ANK2: variants seen among roughly 807,000 people sequenced by gnomAD.
ANK2 encodes ankyrin 2, also known as ankyrin-2.
ANK2 carries 83 observed loss-of-function variants against 360.5 expected under a neutral mutation model. That is an observed-to-expected ratio of 0.23 (90% confidence interval 0.19 to 0.28). The LOEUF is 0.28. ANK2 is among the 10% of genes least tolerant of loss of function. The pLI, the probability that ANK2 is intolerant of heterozygous loss-of-function variation, is 1.00. For synonymous variants in ANK2, 1,740 were observed against 1,759.5 expected (o/e 0.99, Z 0.28); for missense variants, 4,201 against 4,795.7 (o/e 0.88, Z 3.66).
Position 113,381,474 on chromosome 4 carries a change from C to T in ANK2, c.*3C>T, listed in dbSNP as rs200250942. 1.2e-6 allele frequency: 2 copies of T among 1,614,106 alleles called. No individual in the cohort carries two copies. Among genetic ancestry groups the T allele is most frequent in the Non-Finnish European group, 8.5e-7 (1 of 1,180,012 alleles). ...TTCTCCAGGACAACAATGAGTAAAG[C>T]CATCACACAGAAGAGGGCTGTGGTG... On this transcript the variant is annotated 3_prime_UTR_variant, in exon 46 of 46. Transcript: ENST00000357077.
At chr4:113,297,351 GTT>G (rs539194752) in intron 22 of ANK2, among the ~76,000 whole-genome samples, 3 of 152,072 alleles carry the variant, frequency 2.0e-5, no homozygotes, top group Non-Finnish European at 2.9e-5. Flanking sequence ...CTTTTGACAT[GTT>G]TTTTCAACCT....
chr4:113,352,967 C>T (rs1051360197), intron 37 of ANK2, 78 bp from the exon 38 acceptor site: 101 of 1,518,070 alleles, frequency 6.7e-5, no homozygotes, highest in Non-Finnish European at 8.9e-5. Context: ...GACGCTGTGT[C>T]GTTTCAGTCC....
intron 2 of ANK2, among the ~76,000 whole-genome samples, chr4:112,996,843 T>G (rs1015374023): frequency 2.0e-5 from 3 of 152,122 alleles, no homozygotes; most frequent in African/African-American, 7.2e-5. Flanking sequence ...TATTTTTTAT[T>G]CATTATTTCT....
rs912410228 is a variant in ANK2, at chr4:112,877,374, A to G, written c.-39-27081A>G. Among the ~76,000 whole-genome samples the G allele has an allele frequency of 2.6e-5, 4 of 152,176 alleles. No individual in the cohort carries two copies. In the South Asian group the frequency reaches 8.3e-4, roughly 32 times the overall value. ...CTCATGCTCTCTCTCTTTTTGAGATAGCATCTTACCTGTCATCCAGCCTAG... is the reference window on the plus strand; with the variant it reads ...CTCATGCTCTCTCTCTTTTTGAGATGGCATCTTACCTGTCATCCAGCCTAG... On this transcript the variant is annotated intron_variant, in intron 1 of 30. Coordinates refer to the ANK2 transcript ENST00000503271.
intron 22 of ANK2, among the ~76,000 whole-genome samples, chr4:113,299,929 A>G (rs1008064586): frequency 2.0e-5 from 3 of 152,130 alleles, no homozygotes; most frequent in African/African-American, 7.2e-5. Flanking sequence ...TAATTGGTCT[A>G]TGATGGGACC....
chr4:113,259,450 AT>A (rs2051359780), intron 13 of ANK2, among the ~76,000 whole-genome samples: 1 of 151,982 alleles, frequency 6.6e-6, no homozygotes, highest in African/African-American at 2.4e-5. Flanking sequence ...TCTCTCTCAT[AT>A]TTCTTTTTTT....
intron 2 of ANK2, among the ~76,000 whole-genome samples, chr4:112,974,672 C>T (rs2040727078): frequency 6.6e-6 from 1 of 152,158 alleles, no homozygotes; most frequent in Non-Finnish European, 1.5e-5. Context: ...AGGAAAATTT[C>T]ATTATTTCAC....
intron 2 of ANK2, among the ~76,000 whole-genome samples, chr4:113,193,278 G>C (rs182099858): frequency 6.6e-6 from 1 of 152,316 alleles, no homozygotes; most frequent in East Asian, 1.9e-4. Context: ...CCTATAGTTT[G>C]ATTTACTTTG....
intron 1 of ANK2, among the ~76,000 whole-genome samples, chr4:112,841,605 T>C (rs2062098140): frequency 6.6e-6 from 1 of 152,208 alleles, no homozygotes; most frequent in Non-Finnish European, 1.5e-5. Flanking sequence ...AGGCTGCCAT[T>C]TCTTGGAAAT....
chr4:113,086,594 G>A (rs755182577), intron 1 of ANK2, among the ~76,000 whole-genome samples: 24 of 152,104 alleles, frequency 1.6e-4, no homozygotes, highest in African/African-American at 3.1e-4. Flanking sequence ...TAACACATAA[G>A]CCAACAGGTA....
chr4:113,287,977 G>T (rs29360), intron 19 of ANK2, among the ~76,000 whole-genome samples: 1 of 152,168 alleles, frequency 6.6e-6, no homozygotes, highest in Non-Finnish European at 1.5e-5. Flanking sequence ...GCTTTAGCTA[G>T]TTCACATGAC....
chr4:113,011,290 C>A (rs969464354), intron 2 of ANK2, among the ~76,000 whole-genome samples: 2 of 152,016 alleles, frequency 1.3e-5, no homozygotes, highest in African/African-American at 4.8e-5. Flanking sequence ...CATTAGTGAT[C>A]ATTTTCTTAG....
intron 2 of ANK2, among the ~76,000 whole-genome samples, chr4:113,001,605 C>A (rs1315625472): frequency 6.6e-6 from 1 of 152,064 alleles, no homozygotes; most frequent in Non-Finnish European, 1.5e-5. Flanking sequence ...ATTCTAGTGA[C>A]CCCTCATTCT....
intron 2 of ANK2, among the ~76,000 whole-genome samples, chr4:113,010,790 G>C (rs1561525498): frequency 6.6e-6 from 1 of 152,080 alleles, no homozygotes; most frequent in Non-Finnish European, 1.5e-5. Context: ...TTTCCCACTA[G>C]ATATAAATGT....
chr4:112,824,683 T>C (rs1000864444), intron 1 of ANK2, among the ~76,000 whole-genome samples: 1 of 152,062 alleles, frequency 6.6e-6, no homozygotes, highest in South Asian at 2.1e-4. Flanking sequence ...TTTGTATTTT[T>C]AGTAGAGATG....
chr4:112,767,637 C>T, the ANK2 span, among the ~76,000 whole-genome samples: 1 of 151,856 alleles, frequency 6.6e-6, no homozygotes, highest in Admixed American at 6.6e-5. Context: ...GCCCGCTAGG[C>T]TTTGCCTATG....
chr4:112,773,248 T>C, the ANK2 span, among the ~76,000 whole-genome samples: 1 of 152,070 alleles, frequency 6.6e-6, no homozygotes, highest in Non-Finnish European at 1.5e-5. Context: ...GCTCGGGAAG[T>C]TGGGGCTGTG....
rs560433315 is a variant in ANK2, at chr4:113,198,991, A to T, written c.286-20A>T. ...AATTCAGAAACCTTGAACATTTTCTATTTTGTTTCTCCAAAACAGAAGGGA... is the reference window on the plus strand; with the variant it reads ...AATTCAGAAACCTTGAACATTTTCTTTTTTGTTTCTCCAAAACAGAAGGGA... On this transcript the variant is annotated intron_variant, in intron 3 of 45. Transcript: ENST00000357077. The T allele has an allele frequency of 3.8e-6, 6 of 1,585,738 alleles. No homozygotes were observed. The Admixed American group carries it at 1.0e-4, about 26-fold the overall frequency.
At position 113,356,561 on chromosome 4, in the gene ANK2, G is replaced by A. The variant is rs563254150; in HGVS notation, c.7943G>A (p.Gly2648Asp). The change falls in exon 38 of 46, where the codon GGT becomes GAT. Residue 2648 changes from glycine (G) to aspartate (D), a missense_variant. By Grantham distance (94) the Gly-to-Asp change is moderately conservative (BLOSUM62 -1). Around this residue, in one of 4 missense-constraint regions of ANK2, gnomAD observed 2,642 missense variants for 2,714.5 expected, o/e 0.97. Coordinates refer to ENST00000357077, the MANE Select transcript of ANK2 (RefSeq NM_001148.6). ...KHTGSGEDES[G>D]VPVLVTSESR... ...ACAGGCAGTGGGGAGGATGAAAGTG[G>A]TGTCCCTGTGTTAGTAACTTCGGAG... The A allele has an allele frequency of 4.2e-4, 673 of 1,614,114 alleles. 10 individuals carry two copies. The South Asian group carries it at 6.9e-3, about 16-fold the overall frequency.
Sources: gnomAD v4.1 joint callset for allele counts (sites outside exome capture counted in the v4.1 genomes callset) on GRCh38, gnomAD v4.1.1 for gene constraint, gnomAD v4.1.1 regional missense constraint, MANE v1.5 for transcripts, NCBI Gene and HGNC (gene_info 2026-07-23, HGNC 2026-07-21) for gene names.